MITF: variants seen among roughly 807,000 people sequenced by gnomAD.
The protein encoded by MITF is melanocyte inducing transcription factor.
MITF carries 17 observed loss-of-function variants against 60.5 expected under a neutral mutation model. The ratio of observed to expected loss-of-function variants is 0.28; its 90% CI spans 0.19 to 0.42. The LOEUF is 0.42. MITF is among the 10% of genes least tolerant of loss of function. The pLI is 1.00. For missense variants in MITF, 622 were observed against 683.5 expected, an observed-to-expected ratio of 0.91 and a Z score of 1.00; for synonymous variants, 260 against 248.5, an observed-to-expected ratio of 1.05 and a Z score of -0.43.
intron 1 of MITF, among the ~76,000 whole-genome samples, chr3:69,812,852 T>C (rs912503018): frequency 1.3e-5 from 2 of 152,170 alleles, no homozygotes; most frequent in African/African-American, 4.8e-5. Context: ...ACATAGTGGA[T>C]TGGGCAATGG....
intron 1 of MITF, among the ~76,000 whole-genome samples, chr3:69,770,761 T>C (rs1191646361): frequency 1.3e-5 from 2 of 152,184 alleles, no homozygotes; most frequent in African/African-American, 4.8e-5. Flanking sequence ...AATTGAAGTC[T>C]AGTAAAGCTA....
intron 1 of MITF, among the ~76,000 whole-genome samples, chr3:69,799,684 T>G (rs2062886434): frequency 6.6e-6 from 1 of 152,194 alleles, no homozygotes. Flanking sequence ...GTTTTTTGTT[T>G]GTTTGTTTGT....
chr3:69,766,259 T>A (rs2062290550), intron 1 of MITF, among the ~76,000 whole-genome samples: 1 of 151,874 alleles, frequency 6.6e-6, no homozygotes, highest in East Asian at 1.9e-4. Context: ...GGAGTCTCTT[T>A]CACCCAGCAG....
At chr3:69,848,619 C>T (rs999191141) in intron 1 of MITF, among the ~76,000 whole-genome samples, 1 of 152,180 alleles carries the variant, frequency 6.6e-6, no homozygotes, top group Non-Finnish European at 1.5e-5. Context: ...TAATATCATG[C>T]TCAGAGTGGT....
At chr3:69,841,689 T>G (rs1444076915) in intron 1 of MITF, among the ~76,000 whole-genome samples, 1 of 152,206 alleles carries the variant, frequency 6.6e-6, no homozygotes, top group Non-Finnish European at 1.5e-5. Flanking sequence ...GTTAATTAAT[T>G]AATGTTAAAT....
intron 2 of MITF, among the ~76,000 whole-genome samples, chr3:69,880,355 C>A (rs2107282479): frequency 6.6e-6 from 1 of 152,094 alleles, no homozygotes; most frequent in Non-Finnish European, 1.5e-5. Flanking sequence ...AATCTGTGAA[C>A]CTTACCAGGA....
At chr3:69,946,590 T>G (rs755467624) in intron 5 of MITF, among the ~76,000 whole-genome samples, 1 of 152,124 alleles carries the variant, frequency 6.6e-6, no homozygotes, top group Non-Finnish European at 1.5e-5. Flanking sequence ...TGGCCCAAAG[T>G]AGGCACCCAA....
intron 2 of MITF, among the ~76,000 whole-genome samples, chr3:69,902,143 C>T (rs543949283): frequency 1.3e-5 from 2 of 152,158 alleles, no homozygotes; most frequent in South Asian, 4.1e-4. Context: ...TGACTTGAGA[C>T]TTTTTATATG....
chr3:69,788,132 CTTTTTTTTTT>C (rs869065385), intron 1 of MITF, among the ~76,000 whole-genome samples: 13 of 147,906 alleles, frequency 8.8e-5, no homozygotes, highest in Non-Finnish European at 1.3e-4. Context: ...TTTTCTTTTT[CTTTTTTTTTT>C]TAATTATTAT....
intron 1 of MITF, among the ~76,000 whole-genome samples, chr3:69,775,729 T>A (rs2062463412): frequency 6.6e-6 from 1 of 152,190 alleles, no homozygotes; most frequent in African/African-American, 2.4e-5. Context: ...TGGAGGGATT[T>A]GTTTTGGCTT....
chr3:69,928,573 C>A (rs565957187), intron 2 of MITF, among the ~76,000 whole-genome samples: 1 of 152,320 alleles, frequency 6.6e-6, no homozygotes, highest in Admixed American at 6.5e-5. Context: ...AGCTACTTCT[C>A]AACTCTGTTG....
rs565104151 is a variant in MITF at position 69,856,372 on chromosome 3, A to G, written c.105-22762A>G. On this transcript the variant is annotated intron_variant, in intron 1 of 9. Coordinates refer to ENST00000352241, the MANE Select transcript of MITF (RefSeq NM_001354604.2). The stretch of plus-strand genomic sequence containing the variant: ...AAATCAATATAATGAAATTGAAAGA[A>G]AATTGTTAGATTCTTGCTAGGTATA... Among the ~76,000 whole-genome samples, 3 of 152,354 alleles carry G rather than the reference A, an allele frequency of 2.0e-5. No individual in the cohort carries two copies. The East Asian group carries it at 5.8e-4, about 29-fold the overall frequency.
At chr3:69,929,692 A>G (rs1424676022) in intron 2 of MITF, among the ~76,000 whole-genome samples, 1 of 151,954 alleles carries the variant, frequency 6.6e-6, no homozygotes, top group East Asian at 1.9e-4. Flanking sequence ...AAATGACTTG[A>G]TCTGACAATA....
At chr3:69,894,109 G>A (rs188429839) in intron 2 of MITF, among the ~76,000 whole-genome samples, 1 of 152,308 alleles carries the variant, frequency 6.6e-6, no homozygotes, top group East Asian at 1.9e-4. Context: ...ACATAGGAGT[G>A]ACCATATATG....
In MITF at chr3:69,953,602, T is replaced by C. The variant is rs2066312350; in HGVS notation, c.955+1716T>C. On this transcript the variant is annotated intron_variant, in intron 7 of 9. Coordinates refer to ENST00000352241, the MANE Select transcript of MITF (RefSeq NM_001354604.2). ...GTGTATGTGTGTATATATATATATGTATGTATATGTATATATATATATGTG... is the reference window on the plus strand; with the variant it reads ...GTGTATGTGTGTATATATATATATGCATGTATATGTATATATATATATGTG... Among the ~76,000 whole-genome samples, 2 of 148,278 alleles carry C rather than the reference T, an allele frequency of 1.3e-5. 1 individual carries two copies. The highest frequency in any genetic ancestry group is 4.2e-4 in the South Asian group (2 of 4,758).
intron 2 of MITF, among the ~76,000 whole-genome samples, chr3:69,909,835 A>G (rs1000462678): frequency 2.6e-5 from 4 of 151,956 alleles, no homozygotes; most frequent in Non-Finnish European, 5.9e-5. Context: ...AAAGGAAAAC[A>G]GAGCATAAAA....
intron 1 of MITF, among the ~76,000 whole-genome samples, chr3:69,803,821 G>GTT (rs77332554): frequency 2.8e-4 from 39 of 140,482 alleles, no homozygotes; most frequent in African/African-American, 9.6e-4. Flanking sequence ...AATAACTCAT[G>GTT]TTTTTTTTTT....
chr3:69,919,834 T>C (rs1391186457), intron 2 of MITF, among the ~76,000 whole-genome samples: 2 of 152,020 alleles, frequency 1.3e-5, no homozygotes, highest in East Asian at 3.8e-4. Context: ...TTTGTTGCTG[T>C]TTTTTGTTGT....
At chr3:69,792,217 T>G (rs1382912977) in intron 1 of MITF, among the ~76,000 whole-genome samples, 3 of 152,232 alleles carry the variant, frequency 2.0e-5, no homozygotes, top group African/African-American at 7.2e-5. Flanking sequence ...TGTTGCTAGC[T>G]GAAAGGGTCT....
Sources: allele counts gnomAD v4.1 joint callset (sites outside exome capture counted in the v4.1 genomes callset), GRCh38; gene constraint gnomAD v4.1.1; transcripts MANE v1.5; gene names NCBI Gene and HGNC (gene_info 2026-07-23, HGNC 2026-07-21).